Variants in ADGRL3 observed in about 807,000 individuals in gnomAD.
ADGRL3 encodes calcium-independent alpha-latrotoxin receptor 3.
ADGRL3 carries 62 observed loss-of-function variants against 153.5 expected under a neutral mutation model. The ratio of observed to expected loss-of-function variants is 0.40; its 90% CI spans 0.33 to 0.50. The LOEUF is 0.50. Among genes scored for constraint, ADGRL3 ranks in the 20% least tolerant of loss-of-function variants. The probability of loss-of-function intolerance (pLI) is 0.47; values close to 1 mark genes in which losing one functional copy is unlikely to be tolerated. For missense variants in ADGRL3, 1,641 were observed against 1,859.4 expected (o/e 0.88, Z 2.16); for synonymous variants, 710 against 672.5 (o/e 1.06, Z -0.86).
intron 1 of ADGRL3, among the ~76,000 whole-genome samples, chr4:61,253,909 A>G (rs575640794): frequency 7.2e-5 from 11 of 152,334 alleles, no homozygotes; most frequent in Admixed American, 7.2e-4. Context: ...ATGCTCTTGC[A>G]GCTCTAAATC....
At chr4:61,422,328 TTTG>T (rs1287884314) in intron 2 of ADGRL3, among the ~76,000 whole-genome samples, 5 of 152,182 alleles carry the variant, frequency 3.3e-5, no homozygotes, top group Admixed American at 2.6e-4. Flanking sequence ...TTCTTAAATA[TTTG>T]TTTTTTTCTA....
intron 2 of ADGRL3, among the ~76,000 whole-genome samples, chr4:61,481,137 A>AATGACCTAATTAATG: frequency 1.3e-5 from 2 of 152,224 alleles, no homozygotes; most frequent in African/African-American, 2.4e-5. Flanking sequence ...CCTAATTAAT[A>AATGACCTAATTAATG]CAATGACCTA....
chr4:61,967,094 A>G (rs191801622), intron 17 of ADGRL3, among the ~76,000 whole-genome samples: 3 of 152,278 alleles, frequency 2.0e-5, no homozygotes, highest in Non-Finnish European at 2.9e-5. Flanking sequence ...ATGAAAATTA[A>G]TAGTACTTTA....
chr4:61,236,974 A>C (rs894215775), intron 1 of ADGRL3, among the ~76,000 whole-genome samples: 1 of 152,206 alleles, frequency 6.6e-6, no homozygotes, highest in Non-Finnish European at 1.5e-5. Flanking sequence ...TTTGCTCTGC[A>C]TATGAATTCA....
intron 17 of ADGRL3, among the ~76,000 whole-genome samples, chr4:61,969,482 T>G (rs556082361): frequency 2.0e-5 from 3 of 152,278 alleles, no homozygotes; most frequent in African/African-American, 7.2e-5. Context: ...TGGATCGTTC[T>G]ATGTATTTTT....
chr4:61,538,633 G>C lies in ADGRL3; in HGVS notation c.259+21115G>C, dbSNP rs143055856. Among the ~76,000 whole-genome samples the C allele has an allele frequency of 4.1e-3, 626 of 152,100 alleles. 4 individuals are homozygous for C. Among genetic ancestry groups the C allele is most frequent in the African/African-American group, 0.014 (597 of 41,476 alleles). On this transcript the variant is annotated intron_variant, in intron 4 of 26. Coordinates refer to ENST00000683033, the MANE Select transcript of ADGRL3 (RefSeq NM_001387552.1). ...TTTTTTGTATTTTTAGTAGAGACAG[G>C]GTTTCTCCATGTTGGTCAGGCTGGT...
intron 2 of ADGRL3, among the ~76,000 whole-genome samples, chr4:61,449,729 C>G (rs2097651219): frequency 6.6e-6 from 1 of 152,064 alleles, no homozygotes; most frequent in Non-Finnish European, 1.5e-5. Context: ...ACATCTCATT[C>G]TTTAGGTAAA....
At chr4:61,450,772 C>T (rs567330316) in intron 2 of ADGRL3, among the ~76,000 whole-genome samples, 32 of 151,956 alleles carry the variant, frequency 2.1e-4, no homozygotes, top group African/African-American at 5.8e-4. Flanking sequence ...TTAAACATTT[C>T]GAACATCTAT....
intron 21 of ADGRL3, among the ~76,000 whole-genome samples, chr4:62,000,689 T>C (rs2099137180): frequency 6.6e-6 from 1 of 152,098 alleles, no homozygotes; most frequent in Non-Finnish European, 1.5e-5. Flanking sequence ...CCTTTGATGG[T>C]GCTTTTTAAA....
intron 8 of ADGRL3, among the ~76,000 whole-genome samples, chr4:61,743,341 A>G (rs939341123): frequency 3.3e-5 from 5 of 149,684 alleles, no homozygotes; most frequent in Admixed American, 6.6e-5. Flanking sequence ...AAAAAAAAAA[A>G]AAAAAGAAAA....
chr4:61,457,855 TAGA>T (rs1416272578), intron 2 of ADGRL3, among the ~76,000 whole-genome samples: 6 of 90,374 alleles, frequency 6.6e-5, no homozygotes, highest in African/African-American at 2.6e-4. Flanking sequence ...AGATGACAGA[TAGA>T]TAGATAGATA....
At chr4:61,898,871 C>T (rs1316643911) in intron 11 of ADGRL3, among the ~76,000 whole-genome samples, 1 of 152,130 alleles carries the variant, frequency 6.6e-6, no homozygotes, top group Non-Finnish European at 1.5e-5. Context: ...CCTGTCATAG[C>T]CTCCCAAAGT....
At chr4:61,643,628 A>G (rs1331606988) in intron 5 of ADGRL3, among the ~76,000 whole-genome samples, 1 of 145,518 alleles carries the variant, frequency 6.9e-6, no homozygotes, top group African/African-American at 2.6e-5. Flanking sequence ...CTTGCATCCC[A>G]GGGATGAAGC....
At chr4:61,345,029 C>T (rs1332327139) in intron 1 of ADGRL3, among the ~76,000 whole-genome samples, 1 of 151,662 alleles carries the variant, frequency 6.6e-6, no homozygotes, top group African/African-American at 2.4e-5. Flanking sequence ...AACTCCTGAC[C>T]TCAGGTGATC....
intron 5 of ADGRL3, among the ~76,000 whole-genome samples, chr4:61,655,313 C>A (rs573909807): frequency 1.3e-5 from 2 of 152,056 alleles, no homozygotes; most frequent in African/African-American, 4.8e-5. Flanking sequence ...ATATTTTTAA[C>A]GGATACAAGC....
At chr4:61,375,391 T>A (rs1424219146) in intron 1 of ADGRL3, among the ~76,000 whole-genome samples, 1 of 152,156 alleles carries the variant, frequency 6.6e-6, no homozygotes, top group Non-Finnish European at 1.5e-5. Context: ...TCTGCTTGAA[T>A]GAAATTTTAA....
At position 61,350,629 on chromosome 4, in the gene ADGRL3, A is replaced by C. The variant is rs1280616350; in HGVS notation, c.-239-32495A>C. ...TACACACTTTATGTCCGTGTGTCAC[A>C]TTTTGGTAATTACTACAATATTTCA... is the stretch of plus-strand genomic sequence containing the variant. On this transcript the variant is annotated intron_variant, in intron 1 of 26. Coordinates refer to ENST00000683033, the MANE Select transcript of ADGRL3 (RefSeq NM_001387552.1). Among the ~76,000 whole-genome samples the C allele has an allele frequency of 3.9e-5, 6 of 152,076 alleles. No individual in the cohort carries two copies. In the East Asian group the frequency reaches 1.2e-3, roughly 29 times the overall value.
chr4:61,252,811 C>T (rs897807650), intron 1 of ADGRL3, among the ~76,000 whole-genome samples: 1 of 151,752 alleles, frequency 6.6e-6, no homozygotes, highest in African/African-American at 2.4e-5. Context: ...TCTAAATGAC[C>T]ATACTGTCTT....
chr4:61,665,157 T>C (rs1039509553), intron 5 of ADGRL3, among the ~76,000 whole-genome samples: 3 of 152,192 alleles, frequency 2.0e-5, no homozygotes, highest in African/African-American at 7.2e-5. Context: ...CCGCCTGTAA[T>C]TCCAGCACTG....
Sources: gnomAD v4.1 joint callset for allele counts (sites outside exome capture counted in the v4.1 genomes callset) on GRCh38, gnomAD v4.1.1 for gene constraint, MANE v1.5 for transcripts, NCBI Gene and HGNC (gene_info 2026-07-23, HGNC 2026-07-21) for gene names.